The following ADAM19 variants were observed in gnomAD, a reference collection of about 807,000 sequenced individuals.
ADAM19 encodes ADAM metallopeptidase domain 19.
ADAM19 carries 65 observed loss-of-function variants against 114.7 expected under a neutral mutation model. The observed-to-expected ratio is 0.57, with a 90% CI of 0.46 to 0.70. The LOEUF (loss-of-function observed/expected upper bound fraction) is 0.70, where lower values mean the gene tolerates loss of function less well. Among genes scored for constraint, ADAM19 ranks in the 30% least tolerant of loss-of-function variants. ADAM19 has a pLI of 0.00. For missense variants in ADAM19, 1,063 were observed against 1,204.7 expected, an observed-to-expected ratio of 0.88 and a Z score of 1.74; for synonymous variants, 466 against 460.5, an observed-to-expected ratio of 1.01 and a Z score of -0.15.
chr5:157,534,445 G>A (rs1466923421), intron 4 of ADAM19, among the ~76,000 whole-genome samples: 3 of 152,198 alleles, frequency 2.0e-5, no homozygotes. Context: ...TCCAGTGTGG[G>A]CAACAGAGTG....
intron 8 of ADAM19, among the ~76,000 whole-genome samples, chr5:157,510,011 T>C (rs1755865151): frequency 1.3e-5 from 2 of 152,188 alleles, no homozygotes. Flanking sequence ...CTGGTACAAT[T>C]TTTTTCTCCC....
At chr5:157,500,601 G>A (rs1270628093) in intron 12 of ADAM19, among the ~76,000 whole-genome samples, 2 of 152,014 alleles carry the variant, frequency 1.3e-5, no homozygotes, top group Non-Finnish European at 2.9e-5. Flanking sequence ...AGGGGCTGCC[G>A]GTGCAAGAGT....
intron 2 of ADAM19, among the ~76,000 whole-genome samples, chr5:157,565,324 G>A (rs1581359299): frequency 6.6e-6 from 1 of 152,226 alleles, no homozygotes; most frequent in African/African-American, 2.4e-5. Context: ...AATGCACAAT[G>A]CCCACTGTAA....
At chr5:157,497,228 A>T (rs2113707281) in intron 13 of ADAM19, 139 bp from the exon 14 acceptor site, 1 of 732,910 alleles carries the variant, frequency 1.4e-6, no homozygotes, top group East Asian at 3.4e-5. Flanking sequence ...ACATGACCTC[A>T]TTAGCCCAAA....
intron 3 of ADAM19, among the ~76,000 whole-genome samples, chr5:157,551,753 GTT>G (rs1757204499): frequency 6.6e-6 from 1 of 151,654 alleles, no homozygotes; most frequent in Non-Finnish European, 1.5e-5. Flanking sequence ...CCAATCAAAA[GTT>G]GGGCAAAAGC....
Position 157,502,923 on chromosome 5 carries a change from C to A in ADAM19, c.1188G>T (p.Leu396=), listed in dbSNP as rs1237869402. The A allele has an allele frequency of 2.5e-6, 4 of 1,614,072 alleles. No individual in the cohort carries two copies. Among genetic ancestry groups the A allele is most frequent in the East Asian group, 4.5e-5 (2 of 44,896 alleles). The change falls in exon 12 of 23, where the codon CTG becomes CTT. Residue 396 remains leucine (L), a synonymous_variant. Transcript: ENST00000257527. ...AGAGACACATTCCACCACCTGACTG[C>A]AGATACCTGTCCAGCTCCCTCCTGT... ...GCNRRELDRY[L]QSGGGMCLSN...
In ADAM19 at chr5:157,516,940, A is replaced by G. The variant is rs994674363; in HGVS notation, c.666+1883T>C. Reference sequence around the variant, plus strand: ...AGAGGAAACAGAAAACATAGAACACACACACACACACACACACACACAAAC... The same window carrying G: ...AGAGGAAACAGAAAACATAGAACACGCACACACACACACACACACACAAAC... On this transcript the variant is annotated intron_variant, in intron 7 of 22. Transcript: ENST00000257527. Among the ~76,000 whole-genome samples the G allele has an allele frequency of 7.1e-3, 1,066 of 151,142 alleles. 15 individuals carry two copies. Among genetic ancestry groups the G allele is most frequent in the African/African-American group, 0.024 (987 of 41,126 alleles).
At chr5:157,508,781 C>G (rs560245700) in intron 9 of ADAM19, among the ~76,000 whole-genome samples, 1 of 152,208 alleles carries the variant, frequency 6.6e-6, no homozygotes, top group African/African-American at 2.4e-5. Flanking sequence ...TAGCACAATC[C>G]CTCCTCAATG....
rs146122567 is a variant in ADAM19, at chr5:157,488,273, C to T, written c.2542G>A (p.Val848Ile). Reference sequence around the variant, plus strand: ...GCTGATTATCCACTTACCTGGGAAACGATGCAATTTGGTGCGGGGGGAATT... The same window carrying T: ...GCTGATTATCCACTTACCTGGGAAATGATGCAATTTGGTGCGGGGGGAATT... ...RPIPPAPNCI[V>I]SQDFSRPRPP... Residue 848 changes from valine to isoleucine, a missense_variant, in exon 21 of 23, where the codon GTT becomes ATT. Physicochemically the swap from Val to Ile is conservative, Grantham distance 29. Coordinates refer to ENST00000257527, the MANE Select transcript of ADAM19 (RefSeq NM_033274.5). The T allele has an allele frequency of 4.7e-4, 758 of 1,612,288 alleles. 3 individuals are homozygous for T. The highest frequency in any genetic ancestry group is 1.3e-3 in the Admixed American group (76 of 59,954).
chr5:157,559,295 T>G (rs1318376554), intron 3 of ADAM19, among the ~76,000 whole-genome samples: 2 of 152,174 alleles, frequency 1.3e-5, no homozygotes, highest in African/African-American at 4.8e-5. Flanking sequence ...CCATCATCAT[T>G]TGGACTTGAG....
At chr5:157,495,932 TC>T (rs1418917826) in intron 14 of ADAM19, among the ~76,000 whole-genome samples, 191 of 118,406 alleles carry the variant, frequency 1.6e-3, no homozygotes, top group African/African-American at 5.7e-3. Flanking sequence ...CTGTGCCCAG[TC>T]TTTTTTTTTT....
chr5:157,537,471 CA>C (rs1312131615), intron 4 of ADAM19, among the ~76,000 whole-genome samples: 1 of 152,144 alleles, frequency 6.6e-6, no homozygotes, highest in African/African-American at 2.4e-5. Context: ...ATTAAAATAG[CA>C]GACTACAAAA....
intron 3 of ADAM19, among the ~76,000 whole-genome samples, chr5:157,557,626 C>T (rs181666744): frequency 6.6e-6 from 1 of 152,300 alleles, no homozygotes; most frequent in East Asian, 1.9e-4. Context: ...AAATTTACTT[C>T]TCACGGTTCT....
At chr5:157,539,556 C>T (rs6895161) in intron 3 of ADAM19, among the ~76,000 whole-genome samples, 53,903 of 152,032 alleles carry the variant, frequency 0.35, 9,886 homozygotes, top group African/African-American at 0.43. Flanking sequence ...GTCTCCTGTA[C>T]TATGTCAAGG....
intron 3 of ADAM19, among the ~76,000 whole-genome samples, chr5:157,542,958 A>G (rs1451436369): frequency 6.6e-6 from 1 of 152,244 alleles, no homozygotes; most frequent in Non-Finnish European, 1.5e-5. Flanking sequence ...ACTCTGTAAA[A>G]TCAGATGTTA....
Position 157,574,304 on chromosome 5 carries a change from A to C in ADAM19, c.94+1299T>G, listed in dbSNP as rs935611516. ...AAAACTCAGAGAAGGCGCCTGTGCT[A>C]GGAGCAGTAACTAGCTTTCCTTGTC... On this transcript the variant is annotated intron_variant, in intron 1 of 22. Coordinates refer to ENST00000257527, the MANE Select transcript of ADAM19 (RefSeq NM_033274.5). 2.0e-5 allele frequency among the ~76,000 whole-genome samples: 3 copies of C among 152,188 alleles called. 1 individual carries two copies. The highest frequency in any genetic ancestry group is 4.4e-5 in the Non-Finnish European group (3 of 68,026).
intron 4 of ADAM19, among the ~76,000 whole-genome samples, chr5:157,535,291 G>A (rs983851971): frequency 1.4e-4 from 21 of 152,174 alleles, no homozygotes; most frequent in African/African-American, 3.9e-4. Context: ...TCCCCCAACC[G>A]CCTGACCTAG....
intron 2 of ADAM19, among the ~76,000 whole-genome samples, chr5:157,565,031 G>C (rs1340480157): frequency 6.6e-6 from 1 of 152,100 alleles, no homozygotes; most frequent in Non-Finnish European, 1.5e-5. Context: ...CTCTCCGTTT[G>C]GAAAACCCCA....
intron 19 of ADAM19, among the ~76,000 whole-genome samples, 181 bp from the exon 20 acceptor site, chr5:157,489,367 A>G (rs1040159713): frequency 1.3e-5 from 2 of 152,230 alleles, no homozygotes; most frequent in African/African-American, 4.8e-5. Context: ...CGTGTGGCCA[A>G]TGGAGAACTC....
Sources: allele counts gnomAD v4.1 joint callset (sites outside exome capture counted in the v4.1 genomes callset), GRCh38; gene constraint gnomAD v4.1.1; transcripts MANE v1.5; gene names NCBI Gene and HGNC (gene_info 2026-07-23, HGNC 2026-07-21).